The following SUPT3H variants were observed in gnomAD, a reference collection of about 807,000 sequenced individuals.
SUPT3H encodes transcription initiation protein SPT3 homolog.
Under a neutral mutation model 44.3 loss-of-function variants are expected in SUPT3H, and 44 were observed. The ratio of observed to expected loss-of-function variants is 0.99; its 90% confidence interval spans 0.78 to 1.28. The LOEUF (loss-of-function observed/expected upper bound fraction) is 1.28. SUPT3H is among the 50% of genes most tolerant of loss of function. The pLI is 0.00. For synonymous variants in SUPT3H, 124 were observed against 125.6 expected (o/e 0.99, Z 0.09); for missense variants, 380 against 387.1 (o/e 0.98, Z 0.15).
intron 10 of SUPT3H, among the ~76,000 whole-genome samples, chr6:44,879,274 G>A (rs958737917): frequency 2.6e-5 from 4 of 152,166 alleles, no homozygotes; most frequent in Non-Finnish European, 4.4e-5. Flanking sequence ...GCTTGAGTAG[G>A]CAATGTTCCC....
At chr6:45,276,384 C>G (rs1405022472) in intron 2 of SUPT3H, among the ~76,000 whole-genome samples, 1 of 151,886 alleles carries the variant, frequency 6.6e-6, no homozygotes, top group Non-Finnish European at 1.5e-5. Context: ...TAATCAAATA[C>G]TATATAAAGA....
At chr6:44,819,103 T>G (rs1270763976) in intron 11 of SUPT3H, among the ~76,000 whole-genome samples, 1 of 152,104 alleles carries the variant, frequency 6.6e-6, no homozygotes, top group Non-Finnish European at 1.5e-5. Flanking sequence ...ATGAACAAAT[T>G]GTAGTGCATC....
chr6:45,318,020 A>C (rs1055482249), intron 2 of SUPT3H, among the ~76,000 whole-genome samples: 1 of 152,152 alleles, frequency 6.6e-6, no homozygotes, highest in Non-Finnish European at 1.5e-5. Context: ...GGAGGTTTTC[A>C]GGTGATGAGA....
intron 2 of SUPT3H, among the ~76,000 whole-genome samples, chr6:45,205,877 A>G (rs1763153743): frequency 6.6e-6 from 1 of 152,172 alleles, no homozygotes; most frequent in Non-Finnish European, 1.5e-5. Flanking sequence ...TGCTGAAAAC[A>G]GACTACCAGT....
intron 1 of SUPT3H, among the ~76,000 whole-genome samples, chr6:45,372,301 C>A (rs1031637187): frequency 6.6e-6 from 1 of 152,104 alleles, no homozygotes; most frequent in African/African-American, 2.4e-5. Context: ...CTTAGTAAAC[C>A]GCCTTGTACA....
At chr6:44,975,321 AG>A (rs1778171477) in intron 6 of SUPT3H, among the ~76,000 whole-genome samples, 1 of 152,238 alleles carries the variant, frequency 6.6e-6, no homozygotes, top group African/African-American at 2.4e-5. Context: ...TAACGAACTA[AG>A]TTGGGCCTAA....
chr6:44,925,056 A>G (rs913901370), intron 10 of SUPT3H, among the ~76,000 whole-genome samples: 1 of 152,198 alleles, frequency 6.6e-6, no homozygotes, highest in Admixed American at 6.5e-5. Flanking sequence ...TTTGTTTTTA[A>G]AAGTTCAATG....
At chr6:44,824,820 C>CT (rs921783421), downstream of SUPT3H, among the ~76,000 whole-genome samples, 2 of 152,172 alleles carry the variant, frequency 1.3e-5, no homozygotes, top group Admixed American at 6.5e-5. Flanking sequence ...TGCATGGTAG[C>CT]TTTTTTTCCA....
chr6:45,231,477 C>A (rs1456137495), intron 2 of SUPT3H, among the ~76,000 whole-genome samples: 2 of 152,122 alleles, frequency 1.3e-5, no homozygotes, highest in African/African-American at 2.4e-5. Context: ...TCTGATGGGG[C>A]TCTTTTATAG....
intron 3 of SUPT3H, among the ~76,000 whole-genome samples, chr6:45,021,066 T>C (rs114393411): frequency 1.2e-3 from 175 of 151,904 alleles, no homozygotes; most frequent in African/African-American, 4.0e-3. Context: ...CTTTAAAAGA[T>C]CAACAAAAAC....
At chr6:45,079,000 G>T (rs192009437) in intron 3 of SUPT3H, among the ~76,000 whole-genome samples, 2 of 152,244 alleles carry the variant, frequency 1.3e-5, no homozygotes, top group African/African-American at 2.4e-5. Flanking sequence ...TACTTGGGAA[G>T]TTTTCAGCTA....
At chr6:45,112,362 T>C (rs766181223) in intron 2 of SUPT3H, among the ~76,000 whole-genome samples, 3 of 152,034 alleles carry the variant, frequency 2.0e-5, no homozygotes, top group East Asian at 1.9e-4. Context: ...CCTGGCCTTA[T>C]ATGTGGAAAT....
At chr6:45,006,058 C>A (rs1322612803) in intron 5 of SUPT3H, among the ~76,000 whole-genome samples, 2 of 151,748 alleles carry the variant, frequency 1.3e-5, no homozygotes, top group Non-Finnish European at 2.9e-5. Flanking sequence ...TTATTATTAC[C>A]CTTTATCCTT....
Position 44,827,674 on chromosome 6 carries a change from TC to T in SUPT3H, c.*2141del, listed in dbSNP as rs1486120844. Among the ~76,000 whole-genome samples, 1 of 152,092 alleles carries T rather than the reference TC, an allele frequency of 6.6e-6. No homozygotes were observed. The highest frequency in any genetic ancestry group is 2.4e-5 in the African/African-American group (1 of 41,424). ...CTGCTGAAGGAAGTTTTATTTCACT[TC>T]AAATTTAGTATTGTGCAAAGAGTCA... On this transcript the variant is annotated 3_prime_UTR_variant, in exon 11 of 11. Coordinates refer to ENST00000371459, the MANE Select transcript of SUPT3H (RefSeq NM_003599.4).
At chr6:44,851,547 T>C (rs1772884279) in intron 10 of SUPT3H, among the ~76,000 whole-genome samples, 1 of 152,218 alleles carries the variant, frequency 6.6e-6, no homozygotes, top group Non-Finnish European at 1.5e-5. Context: ...ATTTCTTTAT[T>C]GAAGAGCCAT....
At chr6:44,937,167 G>A (rs919124018) in intron 9 of SUPT3H, among the ~76,000 whole-genome samples, 1 of 151,984 alleles carries the variant, frequency 6.6e-6, no homozygotes, top group Non-Finnish European at 1.5e-5. Context: ...GAGATTGCTG[G>A]ATTGAATGAT....
intron 10 of SUPT3H, among the ~76,000 whole-genome samples, chr6:44,909,124 G>GGTGT (rs747035626): frequency 3.4e-5 from 4 of 117,128 alleles, no homozygotes; most frequent in Middle Eastern, 4.2e-3. Context: ...ATACCTAAGA[G>GGTGT]GTGTGTGTGT....
chr6:45,351,544 C>T (rs1407342627), intron 2 of SUPT3H, among the ~76,000 whole-genome samples: 1 of 152,114 alleles, frequency 6.6e-6, no homozygotes, highest in Non-Finnish European at 1.5e-5. Flanking sequence ...ACTTCCAGGA[C>T]GATGAGATTT....
At chr6:44,817,441 C>A (rs933166543) in intron 11 of SUPT3H, among the ~76,000 whole-genome samples, 5 of 151,992 alleles carry the variant, frequency 3.3e-5, no homozygotes, top group African/African-American at 9.7e-5. Context: ...CCATTTTTAC[C>A]ACTCCTATTC....
Sources: gnomAD v4.1 joint callset for allele counts (sites outside exome capture counted in the v4.1 genomes callset) on GRCh38, gnomAD v4.1.1 for gene constraint, MANE v1.5 for transcripts, NCBI Gene and HGNC (gene_info 2026-07-23, HGNC 2026-07-21) for gene names.